Variants in RYR2 observed in about 807,000 individuals in gnomAD.
The protein encoded by RYR2 is ryanodine receptor 2.
A neutral mutation model predicts 601.1 loss-of-function variants in RYR2; 227 were observed. The observed-to-expected ratio is 0.38, with a 90% CI of 0.34 to 0.42. The LOEUF is 0.42. Among genes scored for constraint, RYR2 ranks in the 10% least tolerant of loss-of-function variants. The probability of loss-of-function intolerance (pLI) is 1.00; values close to 1 mark genes in which losing one functional copy is unlikely to be tolerated. For missense variants in RYR2, 4,646 were observed against 6,156.5 expected (o/e 0.75, Z 8.21); for synonymous variants, 2,223 against 2,175.1 (o/e 1.02, Z -0.61).
intron 63 of RYR2, among the ~76,000 whole-genome samples, chr1:237,687,833 T>C (rs1338849856): frequency 6.6e-6 from 1 of 152,180 alleles, no homozygotes; most frequent in Non-Finnish European, 1.5e-5. Flanking sequence ...TGGATTTGTG[T>C]TTGGTTACCT....
At chr1:237,674,618 TATAG>T in intron 59 of RYR2, 109 bp from the exon 60 acceptor site, 1 of 504,120 alleles carries the variant, frequency 2.0e-6, no homozygotes, top group East Asian at 3.3e-5. Context: ...AATTTATATA[TATAG>T]ATAAACATAT....
chr1:237,687,360 C>CTTTTTTTT, intron 62 of RYR2, 95 bp from the exon 63 acceptor site: 3 of 492,270 alleles, frequency 6.1e-6, no homozygotes, highest in Non-Finnish European at 6.5e-6. Flanking sequence ...TTTCTTTTTT[C>CTTTTTTTT]TTCTTCTTTT....
At chr1:237,526,656 G>T (rs977524801) in intron 24 of RYR2, among the ~76,000 whole-genome samples, 2 of 152,190 alleles carry the variant, frequency 1.3e-5, no homozygotes, top group East Asian at 1.9e-4. Context: ...CCTTTGGCCG[G>T]TTTTTAATAC....
chr1:237,806,055 C>T, intron 98 of RYR2, 82 bp from the exon 99 acceptor site: 1 of 1,225,974 alleles, frequency 8.2e-7, no homozygotes, highest in East Asian at 2.4e-5. Flanking sequence ...CTTTCTGTTC[C>T]TGGCTTATTT....
intron 2 of RYR2, among the ~76,000 whole-genome samples, chr1:237,314,528 C>A (rs1489562843): frequency 6.6e-6 from 1 of 152,168 alleles, no homozygotes; most frequent in Admixed American, 6.5e-5. Context: ...GGTTGCTAAT[C>A]TGAATTTGTA....
Position 237,380,422 on chromosome 1 carries a change from A to ATT in RYR2, c.576+2987_576+2988insTT, listed in dbSNP as rs1214802373. ...TATATATATATATATATATATATAT[A>ATT]GTAAATACGAAGTCTGGTGAGTATG... is the stretch of plus-strand genomic sequence containing the variant. On this transcript the variant is annotated intron_variant, in intron 8 of 104. Coordinates refer to ENST00000366574, the MANE Select transcript of RYR2 (RefSeq NM_001035.3). 2.0e-3 allele frequency among the ~76,000 whole-genome samples: 95 copies of ATT among 48,034 alleles called. 10 individuals carry two copies. Among genetic ancestry groups the ATT allele is most frequent in the African/African-American group, 7.1e-3 (88 of 12,422 alleles). The allele number at this position is 48,034 out of a possible 152,430, so 31.5% of individuals were successfully genotyped here.
intron 62 of RYR2, among the ~76,000 whole-genome samples, chr1:237,684,688 A>G (rs957463370): frequency 1.3e-5 from 2 of 152,138 alleles, no homozygotes; most frequent in East Asian, 3.9e-4. Flanking sequence ...CAGTTGGAGA[A>G]ATCCAGCAGA....
At chr1:237,565,141 TTTTCTTTCTTTCTTTC>T (rs1289697431) in intron 27 of RYR2, among the ~76,000 whole-genome samples, 4 of 47,504 alleles carry the variant, frequency 8.4e-5, no homozygotes, top group East Asian at 3.9e-4. Flanking sequence ...CTTTCTTTCT[TTTTCTTTCTTTCTTTC>T]TCTTTCTTTC....
At chr1:237,792,398 C>CGCGT in intron 94 of RYR2, 75 bp downstream of exon 94, 1 of 487,498 alleles carries the variant, frequency 2.1e-6, no homozygotes, top group South Asian at 4.7e-5. Context: ...TGTGTGTGTG[C>CGCGT]GTGTGTGTGT....
intron 29 of RYR2, among the ~76,000 whole-genome samples, chr1:237,581,886 G>A (rs534148262): frequency 6.6e-6 from 1 of 152,292 alleles, no homozygotes; most frequent in African/African-American, 2.4e-5. Context: ...AACTTCTATA[G>A]CAGAGGAATC....
chr1:237,658,995 A>G (rs993500141), intron 54 of RYR2, among the ~76,000 whole-genome samples: 5 of 152,238 alleles, frequency 3.3e-5, no homozygotes, highest in African/African-American at 9.6e-5. Context: ...TCTAAACTTG[A>G]CAGAGGATAA....
At chr1:237,124,441 C>T (rs912863846) in intron 1 of RYR2, among the ~76,000 whole-genome samples, 1 of 152,072 alleles carries the variant, frequency 6.6e-6, no homozygotes, top group African/African-American at 2.4e-5. Flanking sequence ...AACACAAATA[C>T]ATTATCTTAC....
In RYR2 at chr1:237,781,403, T is replaced by TAA. The variant is rs1417621505; in HGVS notation, c.11881-160_11881-159dup. ...TGAAATCAGTAATACTTTTTAATTG[T>TAA]AAAGTATAACTATTTTTAATATTTG... On this transcript the variant is annotated intron_variant, in intron 88 of 104. Transcript: ENST00000366574. Among the ~76,000 whole-genome samples the TAA allele has an allele frequency of 2.0e-5, 3 of 152,356 alleles. No individual in the cohort carries two copies. The East Asian group carries it at 5.8e-4, about 29-fold the overall frequency.
At chr1:237,598,267 C>G (rs1215639107) in intron 34 of RYR2, among the ~76,000 whole-genome samples, 1 of 152,176 alleles carries the variant, frequency 6.6e-6, no homozygotes, top group East Asian at 1.9e-4. Context: ...GACAGAAATT[C>G]AGCAAGGAAA....
At chr1:237,657,437 G>A (rs919749619) in intron 53 of RYR2, among the ~76,000 whole-genome samples, 2 of 151,758 alleles carry the variant, frequency 1.3e-5, no homozygotes, top group Non-Finnish European at 2.9e-5. Flanking sequence ...CAACATCAAG[G>A]AATTAAATAT....
intron 77 of RYR2, 127 bp from the exon 78 acceptor site, chr1:237,731,919 C>CACACACA (rs34340306): frequency 3.1e-5 from 19 of 609,274 alleles, no homozygotes; most frequent in South Asian, 1.2e-4. Flanking sequence ...CACACACACA[C>CACACACA]CCCACAACAG....
At chr1:237,472,064 A>C (rs4436382) in intron 17 of RYR2, among the ~76,000 whole-genome samples, 2 of 151,954 alleles carry the variant, frequency 1.3e-5, no homozygotes, top group Middle Eastern at 3.2e-3. Flanking sequence ...ATTTTGCTGA[A>C]CAATTTTTTC....
chr1:237,398,981 G>A (rs1347201494), intron 10 of RYR2, among the ~76,000 whole-genome samples: 6 of 152,118 alleles, frequency 3.9e-5, no homozygotes, highest in Admixed American at 3.3e-4. Flanking sequence ...ATCACTTGAG[G>A]TCAGGAGTTC....
intron 1 of RYR2, among the ~76,000 whole-genome samples, chr1:237,219,733 A>G (rs981545962): frequency 2.0e-5 from 3 of 152,200 alleles, no homozygotes; most frequent in Non-Finnish European, 4.4e-5. Flanking sequence ...CTTTCCTAAC[A>G]TAGTTGTCTA....
Sources: gnomAD v4.1 joint callset for allele counts (sites outside exome capture counted in the v4.1 genomes callset) on GRCh38, gnomAD v4.1.1 for gene constraint, MANE v1.5 for transcripts, NCBI Gene and HGNC (gene_info 2026-07-23, HGNC 2026-07-21) for gene names.